Variants in SHISA9 observed in about 807,000 individuals in gnomAD.
SHISA9 encodes the protein protein shisa-9.
A neutral mutation model predicts 38.0 loss-of-function variants in SHISA9; 13 were observed. The ratio of observed to expected loss-of-function variants is 0.34; its 90% confidence interval spans 0.22 to 0.54. SHISA9 has a LOEUF of 0.54. SHISA9 is among the 20% of genes least tolerant of loss of function. The pLI is 0.91. For synonymous variants in SHISA9, 275 were observed against 242.0 expected (o/e 1.14, Z -1.27); for missense variants, 538 against 575.8 (o/e 0.93, Z 0.67).
chr16:13,259,616 A>T, the SHISA9 span, among the ~76,000 whole-genome samples: 3 of 152,198 alleles, frequency 2.0e-5, no homozygotes, highest in African/African-American at 7.2e-5. Context: ...AATCTAGGCC[A>T]AGGTTCCCAA....
chr16:13,436,671 T>A, the SHISA9 span, among the ~76,000 whole-genome samples: 1 of 152,176 alleles, frequency 6.6e-6, no homozygotes, highest in African/African-American at 2.4e-5. Flanking sequence ...CCAAGAAGCC[T>A]CTCCTGTGGT....
intron 2 of SHISA9, among the ~76,000 whole-genome samples, chr16:13,012,154 C>T (rs2072685654): frequency 6.6e-6 from 1 of 151,986 alleles, no homozygotes; most frequent in Admixed American, 6.6e-5. Context: ...TTTAAGGTTC[C>T]ACATATAAGT....
At chr16:13,058,543 GA>G (rs1208122482) in intron 2 of SHISA9, among the ~76,000 whole-genome samples, 3 of 152,188 alleles carry the variant, frequency 2.0e-5, no homozygotes, top group African/African-American at 7.2e-5. Context: ...GCCTAGGGAG[GA>G]AAGGAAGACA....
At chr16:13,439,098 A>G in the SHISA9 span, among the ~76,000 whole-genome samples, 5 of 152,062 alleles carry the variant, frequency 3.3e-5, no homozygotes, top group African/African-American at 1.2e-4. Context: ...TACAACTTAA[A>G]AAAAGTCTTA....
intron 2 of SHISA9, among the ~76,000 whole-genome samples, chr16:13,002,705 G>C (rs888557590): frequency 1.3e-5 from 2 of 151,750 alleles, no homozygotes; most frequent in Non-Finnish European, 2.9e-5. Flanking sequence ...GCTAATTTTT[G>C]TATTTTTAAT....
At chr16:13,258,365 T>C in the SHISA9 span, 5 of 152,168 alleles carry the variant, frequency 3.3e-5, no homozygotes, top group Non-Finnish European at 1.5e-5. Flanking sequence ...AAAATAGTAA[T>C]GAAAATGGAA....
At chr16:13,456,211 C>T in the SHISA9 span, among the ~76,000 whole-genome samples, 7 of 152,270 alleles carry the variant, frequency 4.6e-5, no homozygotes, top group Admixed American at 1.3e-4. Flanking sequence ...GGACACATGA[C>T]GGGACTTTCT....
intron 2 of SHISA9, among the ~76,000 whole-genome samples, chr16:12,997,551 G>A (rs1458519853): frequency 1.3e-5 from 2 of 151,488 alleles, no homozygotes; most frequent in Non-Finnish European, 2.9e-5. Context: ...AGATTACAGG[G>A]ACCCACCATC....
chr16:13,144,578 C>T (rs528844951), intron 2 of SHISA9, among the ~76,000 whole-genome samples: 19 of 151,782 alleles, frequency 1.3e-4, no homozygotes, highest in Non-Finnish European at 2.4e-4. Flanking sequence ...ATTACGAGGT[C>T]GGGGAAAGAA....
intron 2 of SHISA9, among the ~76,000 whole-genome samples, chr16:13,069,981 T>C (rs549635811): frequency 5.3e-5 from 8 of 152,296 alleles, no homozygotes; most frequent in African/African-American, 1.7e-4. Context: ...ATTTCTGTTA[T>C]AAGCCACCCA....
chr16:13,213,380 G>C, intron 4 of SHISA9, 80 bp downstream of exon 4: 2 of 1,353,818 alleles, frequency 1.5e-6, no homozygotes, highest in Admixed American at 2.0e-5. Flanking sequence ...AGAGAGTCCT[G>C]GTGTCTGTGT....
chr16:13,295,968 A>G, the SHISA9 span, among the ~76,000 whole-genome samples: 239 of 152,274 alleles, frequency 1.6e-3, 2 homozygotes, highest in African/African-American at 5.4e-3. Context: ...TTGAGCCTGT[A>G]TCAGACTCTG....
At chr16:12,956,929 T>C (rs1485801645) in intron 2 of SHISA9, among the ~76,000 whole-genome samples, 1 of 152,222 alleles carries the variant, frequency 6.6e-6, no homozygotes, top group East Asian at 1.9e-4. Flanking sequence ...AAGTTATAGA[T>C]ATATGTTTAT....
At chr16:13,261,256 G>T in the SHISA9 span, among the ~76,000 whole-genome samples, 1 of 152,132 alleles carries the variant, frequency 6.6e-6, no homozygotes, top group African/African-American at 2.4e-5. Context: ...TATTTTAGGA[G>T]TCCATGGGAG....
chr16:13,284,684 G>A, the SHISA9 span, among the ~76,000 whole-genome samples: 3 of 152,128 alleles, frequency 2.0e-5, no homozygotes, highest in Non-Finnish European at 2.9e-5. Flanking sequence ...TGCAGCCTCC[G>A]CCTCCTGGGT....
chr16:13,209,754 AG>A (rs1332811010), intron 3 of SHISA9, among the ~76,000 whole-genome samples: 3 of 152,180 alleles, frequency 2.0e-5, no homozygotes, highest in Non-Finnish European at 2.9e-5. Context: ...ACAATATGGG[AG>A]CCTACCTTGT....
chr16:13,213,377 C>T (rs974892177), intron 4 of SHISA9, 77 bp downstream of exon 4: 36 of 1,374,424 alleles, frequency 2.6e-5, no homozygotes, highest in Non-Finnish European at 3.5e-5. Flanking sequence ...GATAGAGAGT[C>T]CTGGTGTCTG....
intron 4 of SHISA9, among the ~76,000 whole-genome samples, chr16:13,213,654 G>C (rs1306647666): frequency 2.0e-5 from 3 of 152,148 alleles, no homozygotes; most frequent in East Asian, 3.8e-4. Flanking sequence ...GGGGCGGGGC[G>C]GGGGAAGAAC....
the SHISA9 span, among the ~76,000 whole-genome samples, chr16:13,429,988 T>G: frequency 1.3e-5 from 2 of 152,200 alleles, no homozygotes; most frequent in African/African-American, 2.4e-5. Flanking sequence ...GGATCCTTAA[T>G]GTAGGTCCCA....
Sources: gnomAD v4.1 joint callset for allele counts (sites outside exome capture counted in the v4.1 genomes callset) on GRCh38, gnomAD v4.1.1 for gene constraint, MANE v1.5 for transcripts, NCBI Gene and HGNC (gene_info 2026-07-23, HGNC 2026-07-21) for gene names.